The following CCDC88C variants were observed in gnomAD, a reference collection of about 807,000 sequenced individuals.
CCDC88C encodes the protein protein Daple.
A neutral mutation model predicts 198.8 loss-of-function variants in CCDC88C; 131 were observed. The observed-to-expected ratio is 0.66, with a 90% CI of 0.57 to 0.76. CCDC88C has a LOEUF of 0.76. Ranked by LOEUF, CCDC88C falls within the 30% of genes least tolerant of loss-of-function variation. The pLI is 0.00. For missense variants in CCDC88C, 2,553 were observed against 2,631.6 expected, an observed-to-expected ratio of 0.97 and a Z score of 0.65; for synonymous variants, 1,166 against 1,114.7, an observed-to-expected ratio of 1.05 and a Z score of -0.92.
intron 3 of CCDC88C, among the ~76,000 whole-genome samples, chr14:91,391,933 G>C (rs1885529932): frequency 6.6e-6 from 1 of 151,890 alleles, no homozygotes; most frequent in Non-Finnish European, 1.5e-5. Context: ...TGGAGACGGA[G>C]TCTTGCTCTG....
At chr14:91,337,703 T>C (rs530160028) in intron 10 of CCDC88C, among the ~76,000 whole-genome samples, 1 of 152,312 alleles carries the variant, frequency 6.6e-6, no homozygotes, top group Non-Finnish European at 1.5e-5. Context: ...TTGCAAGAAG[T>C]CTTTTAAAAG....
At chr14:91,306,273 C>T (rs1891554809) in intron 18 of CCDC88C, among the ~76,000 whole-genome samples, 1 of 152,196 alleles carries the variant, frequency 6.6e-6, no homozygotes, top group Admixed American at 6.5e-5. Flanking sequence ...CTCCCATTGA[C>T]TCCAACCCTG....
intron 5 of CCDC88C, 43 bp downstream of exon 5, chr14:91,343,556 G>A (rs2139869425): frequency 6.2e-7 from 1 of 1,611,988 alleles, no homozygotes; most frequent in Non-Finnish European, 8.5e-7. Context: ...AATATGAGAT[G>A]GCTGGGGTAG....
intron 14 of CCDC88C, 92 bp downstream of exon 14, chr14:91,315,558 T>C: frequency 7.2e-7 from 1 of 1,384,970 alleles, no homozygotes; most frequent in Admixed American, 2.0e-5. Flanking sequence ...AATCCATGCA[T>C]CCACAATACA....
intron 10 of CCDC88C, 117 bp from the exon 11 acceptor site, chr14:91,326,173 A>G: frequency 1.1e-6 from 1 of 870,706 alleles, no homozygotes. Flanking sequence ...ATCTAGAGGG[A>G]AGTCCGAGGC....
At chr14:91,350,112 T>A (rs140860107) in intron 4 of CCDC88C, among the ~76,000 whole-genome samples, 41 of 152,230 alleles carry the variant, frequency 2.7e-4, no homozygotes, top group Admixed American at 9.8e-4. Flanking sequence ...TAGTCCTTTT[T>A]GACTCCACTC....
intron 10 of CCDC88C, among the ~76,000 whole-genome samples, chr14:91,334,711 G>T (rs1333874812): frequency 1.2e-4 from 18 of 151,850 alleles, no homozygotes; most frequent in Admixed American, 1.1e-3. Flanking sequence ...GCAAACACGG[G>T]CCCATCGAAG....
At chr14:91,275,818 C>CCT (rs1889934554) in intron 29 of CCDC88C, among the ~76,000 whole-genome samples, 3 of 82,308 alleles carry the variant, frequency 3.6e-5, no homozygotes, top group African/African-American at 5.1e-5. Context: ...ACCAGTGGTT[C>CCT]TTTTTTTTTT....
intron 4 of CCDC88C, among the ~76,000 whole-genome samples, chr14:91,351,029 GT>G (rs1567092745): frequency 6.6e-6 from 1 of 152,064 alleles, no homozygotes; most frequent in Non-Finnish European, 1.5e-5. Flanking sequence ...GAGCTATGTG[GT>G]TTCGCTTCTG....
At chr14:91,390,019 C>T (rs1236164396) in intron 3 of CCDC88C, among the ~76,000 whole-genome samples, 1 of 151,556 alleles carries the variant, frequency 6.6e-6, no homozygotes, top group Non-Finnish European at 1.5e-5. Context: ...TTGCAGTGAG[C>T]CGAGATTGTG....
In CCDC88C at chr14:91,321,407, A is replaced by C. The variant is rs1053940115; in HGVS notation, c.1343-103T>G. 5 of 1,275,768 alleles carry C rather than the reference A, an allele frequency of 3.9e-6. No individual in the cohort carries two copies. The African/African-American group carries it at 7.4e-5, about 19-fold the overall frequency. The allele number at this position is 1,275,768 out of a possible 1,614,324, so 79.0% of individuals were successfully genotyped here. ...CATCAGTCCCGGAGTCCAGGGTCTAAGGGGCTGGGGAGGAGCTCCCACAGG... is the reference window on the plus strand; with the variant it reads ...CATCAGTCCCGGAGTCCAGGGTCTACGGGGCTGGGGAGGAGCTCCCACAGG... On this transcript the variant is annotated intron_variant, in intron 12 of 29. Transcript: ENST00000389857.
At chr14:91,353,824 T>C (rs1343357471) in intron 4 of CCDC88C, among the ~76,000 whole-genome samples, 4 of 152,202 alleles carry the variant, frequency 2.6e-5, no homozygotes, top group Non-Finnish European at 5.9e-5. Context: ...CCAAGGCTCT[T>C]CTCAAAGGTT....
chr14:91,285,599 CT>C (rs1185707952), intron 25 of CCDC88C: 4 of 1,238,910 alleles, frequency 3.2e-6, no homozygotes, highest in Non-Finnish European at 4.2e-6. Flanking sequence ...TAGACGCTGG[CT>C]TTTTTTGTTT....
Position 91,339,359 on chromosome 14 carries a change from C to G in CCDC88C, c.728G>C (p.Ser243Thr), listed in dbSNP as rs1359586726. ...GTGCTGCTTGTCTTCGCTAGAGAGG[C>G]TGCTGGTGGGGCTGGGAGTGGAGTC... is the stretch of plus-strand genomic sequence containing the variant. Reference protein sequence around the residue: ...SADSTPSPTSSLSSEDKQHLA... With the variant: ...SADSTPSPTSTLSSEDKQHLA... The change falls in exon 8 of 30, where the codon AGC (serine) becomes ACC (threonine). Residue 243 changes from serine (S) to threonine (T), a missense_variant. Ser to Thr is a moderately conservative substitution (Grantham distance 58, BLOSUM62 1). This residue lies in a region of CCDC88C where 1,260 missense variants were observed against 1,412.0 expected (regional missense o/e 0.89). Coordinates refer to ENST00000389857, the MANE Select transcript of CCDC88C (RefSeq NM_001080414.4). This position sits in a 1 kb window ranked among gnomAD's most constrained non-coding sequence, Gnocchi z 5.8. The G allele has an allele frequency of 6.2e-7, 1 of 1,613,852 alleles. No homozygotes were observed. Among genetic ancestry groups the G allele is most frequent in the Admixed American group, 1.7e-5 (1 of 59,998 alleles).
chr14:91,339,457 G>C lies in CCDC88C; in HGVS notation c.630C>G (p.Ile210Met). 1 of 1,603,480 alleles carries C rather than the reference G, an allele frequency of 6.2e-7. No individual in the cohort carries two copies. The highest frequency in any genetic ancestry group is 8.5e-7 in the Non-Finnish European group (1 of 1,171,614). Residue 210 changes from isoleucine to methionine, a missense_variant, in exon 8 of 30, where the codon ATC becomes ATG. By Grantham distance (10) the Ile-to-Met change is conservative (BLOSUM62 1). Around this residue, in one of 2 missense-constraint regions of CCDC88C, gnomAD observed 1,260 missense variants for 1,412.0 expected, o/e 0.89. Transcript: ENST00000389857. This position sits in a 1 kb window ranked among gnomAD's most constrained non-coding sequence, Gnocchi z 5.8. ...AGTCCCGTTCCTGAGTGAGGTCCAC[G>C]ATCAGCTGCAGCCGGGCAGAGAGGG... ...IDQRDECTEL[I>M]VDLTQERDYL...
chr14:91,324,944 C>A (rs368697848), intron 11 of CCDC88C, 21 bp from the exon 12 acceptor site: 9 of 1,612,848 alleles, frequency 5.6e-6, no homozygotes, highest in Non-Finnish European at 7.6e-6. Context: ...CAAGAAGAGG[C>A]AAGAAGTGAG....
rs773989266 is a variant in CCDC88C at position 91,297,406 on chromosome 14, C to T, written c.3865G>A (p.Ala1289Thr). 38 of 1,611,350 alleles carry T rather than the reference C, an allele frequency of 2.4e-5. No homozygotes were observed. The highest frequency in any genetic ancestry group is 1.6e-4 in the Middle Eastern group (1 of 6,080). The change falls in exon 22 of 30, where the codon GCG becomes ACG. Residue 1289 changes from alanine to threonine, a missense_variant. By Grantham distance (58) the Ala-to-Thr change is moderately conservative. Transcript: ENST00000389857. ...TGCCAGCGGTTGAGCTCCAGCTGCG[C>T]GTTGTTCAGTGAGGTTTTCAGCTCC... ...TKELKTSLNN[A>T]QLELNRWQAR...
At chr14:91,354,373 G>A (rs974843112) in intron 4 of CCDC88C, among the ~76,000 whole-genome samples, 6 of 152,220 alleles carry the variant, frequency 3.9e-5, no homozygotes, top group South Asian at 2.1e-4. Context: ...GAGGGACCCC[G>A]GAGCTGGTCT....
chr14:91,376,973 C>T (rs1178710240), intron 3 of CCDC88C, among the ~76,000 whole-genome samples: 4 of 152,232 alleles, frequency 2.6e-5, no homozygotes, highest in Non-Finnish European at 4.4e-5. Context: ...CACACCCACC[C>T]GAGCAAAGCT....
Sources: gnomAD v4.1 joint callset for allele counts (sites outside exome capture counted in the v4.1 genomes callset) on GRCh38, gnomAD v4.1.1 for gene constraint, gnomAD v4.1.1 regional missense constraint, Gnocchi (gnomAD v3.1) non-coding constraint, MANE v1.5 for transcripts, NCBI Gene and HGNC (gene_info 2026-07-23, HGNC 2026-07-21) for gene names.